LRRC4C: variants seen among roughly 807,000 people sequenced by gnomAD.
The protein encoded by LRRC4C is leucine-rich repeat-containing protein 4C.
Under a neutral mutation model 33.6 loss-of-function variants are expected in LRRC4C, and 5 were observed. The ratio of observed to expected loss-of-function variants is 0.15; its 90% CI spans 0.08 to 0.31. LRRC4C has a LOEUF of 0.31. LRRC4C is among the 10% of genes least tolerant of loss of function. The pLI is 1.00. For synonymous variants in LRRC4C, 329 were observed against 302.0 expected, an observed-to-expected ratio of 1.09 and a Z score of -0.93; for missense variants, 560 against 796.7, an observed-to-expected ratio of 0.70 and a Z score of 3.58.
intron 2 of LRRC4C, among the ~76,000 whole-genome samples, chr11:40,758,262 C>T (rs1228505049): frequency 6.6e-6 from 1 of 151,898 alleles, no homozygotes; most frequent in East Asian, 1.9e-4. Context: ...AAAAATTATG[C>T]CTCCTACCAA....
chr11:40,775,012 T>G (rs1949923730), intron 2 of LRRC4C, among the ~76,000 whole-genome samples: 1 of 151,878 alleles, frequency 6.6e-6, no homozygotes, highest in Non-Finnish European at 1.5e-5. Flanking sequence ...ACCTAAATAT[T>G]TACATATAAT....
intron 1 of LRRC4C, among the ~76,000 whole-genome samples, chr11:40,998,084 C>A (rs116598487): frequency 1.3e-5 from 2 of 151,828 alleles, no homozygotes; most frequent in East Asian, 3.9e-4. Flanking sequence ...AAAGAGAGGT[C>A]GAAAACCAGA....
At chr11:41,308,133 A>T (rs1237578109) in intron 1 of LRRC4C, among the ~76,000 whole-genome samples, 1 of 152,226 alleles carries the variant, frequency 6.6e-6, no homozygotes, top group African/African-American at 2.4e-5. Context: ...GGGAGAAATC[A>T]GTAAAGTTGC....
At chr11:40,419,600 A>G (rs1039817309) in intron 3 of LRRC4C, among the ~76,000 whole-genome samples, 3 of 152,222 alleles carry the variant, frequency 2.0e-5, no homozygotes, top group Non-Finnish European at 1.5e-5. Context: ...CTCTCAGATG[A>G]AAGAAAACTA....
intron 2 of LRRC4C, among the ~76,000 whole-genome samples, chr11:40,763,750 G>T (rs558788740): frequency 6.6e-6 from 1 of 152,112 alleles, no homozygotes; most frequent in Non-Finnish European, 1.5e-5. Context: ...AGAGCTCAAG[G>T]GGGGAGCATT....
chr11:40,738,227 G>A (rs1434661592), intron 2 of LRRC4C, among the ~76,000 whole-genome samples: 4 of 152,146 alleles, frequency 2.6e-5, no homozygotes, highest in Admixed American at 2.0e-4. Flanking sequence ...AACTCAAGAT[G>A]TATTAAGGAC....
chr11:40,401,556 C>T (rs1342331496), intron 3 of LRRC4C, among the ~76,000 whole-genome samples: 1 of 152,066 alleles, frequency 6.6e-6, no homozygotes, highest in Non-Finnish European at 1.5e-5. Context: ...CTTTCTCTGT[C>T]AATTCATTCT....
At chr11:40,671,646 A>AGTGTGTAT (rs1944117634) in intron 2 of LRRC4C, among the ~76,000 whole-genome samples, 1 of 140,516 alleles carries the variant, frequency 7.1e-6, no homozygotes, top group Non-Finnish European at 1.5e-5. Context: ...GTCCTTATTC[A>AGTGTGTAT]GTGTGTGTGT....
intron 2 of LRRC4C, among the ~76,000 whole-genome samples, chr11:40,837,676 C>CAA (rs139136576): frequency 6.5e-5 from 7 of 108,496 alleles, no homozygotes; most frequent in South Asian, 3.1e-4. Flanking sequence ...CCTGTCTCTT[C>CAA]AAAAAAAAAA....
chr11:41,060,965 C>T (rs1590392449), intron 1 of LRRC4C, among the ~76,000 whole-genome samples: 1 of 151,958 alleles, frequency 6.6e-6, no homozygotes, highest in Non-Finnish European at 1.5e-5. Flanking sequence ...GTATCTTTTC[C>T]CTGGATGTTC....
chr11:40,860,659 A>C (rs1954040797), intron 2 of LRRC4C, among the ~76,000 whole-genome samples: 1 of 151,788 alleles, frequency 6.6e-6, no homozygotes, highest in Non-Finnish European at 1.5e-5. Flanking sequence ...AGTCATATTG[A>C]ATTAATATCC....
intron 1 of LRRC4C, among the ~76,000 whole-genome samples, chr11:41,047,634 T>A (rs1322778296): frequency 6.6e-6 from 1 of 152,190 alleles, no homozygotes; most frequent in Admixed American, 6.5e-5. Flanking sequence ...AGCAGTGCTT[T>A]GATGACCCCA....
intron 1 of LRRC4C, among the ~76,000 whole-genome samples, chr11:41,246,723 G>C (rs1166235072): frequency 2.0e-5 from 3 of 152,130 alleles, no homozygotes; most frequent in Non-Finnish European, 2.9e-5. Context: ...TATTTTTGTT[G>C]TTCTTGTTTT....
intron 2 of LRRC4C, among the ~76,000 whole-genome samples, chr11:40,718,387 C>T (rs1375245468): frequency 1.3e-5 from 2 of 152,014 alleles, no homozygotes; most frequent in African/African-American, 2.4e-5. Flanking sequence ...ATTGAGAAAC[C>T]CTGGGGTGCG....
In LRRC4C at chr11:40,393,788, G is replaced by A. The variant is rs190075981; in HGVS notation, c.-269-74067C>T. The stretch of plus-strand genomic sequence containing the variant: ...TGGAATTACATGACATCAGGGCTAT[G>A]CCTTTTGTCCCCTAAAACAAAGTTT... On this transcript the variant is annotated intron_variant, in intron 3 of 6. Transcript: ENST00000528697. 2.6e-3 allele frequency among the ~76,000 whole-genome samples: 389 copies of A among 152,234 alleles called. 1 individual carries two copies. Among genetic ancestry groups the A allele is most frequent in the Non-Finnish European group, 4.8e-3 (325 of 67,990 alleles).
intron 1 of LRRC4C, among the ~76,000 whole-genome samples, chr11:41,456,678 C>T (rs1956180278): frequency 6.6e-6 from 1 of 152,082 alleles, no homozygotes; most frequent in South Asian, 2.1e-4. Context: ...TTTTCTTTAG[C>T]AGCTGTGACA....
intron 3 of LRRC4C, among the ~76,000 whole-genome samples, chr11:40,348,654 C>T (rs749423004): frequency 1.3e-5 from 2 of 152,284 alleles, no homozygotes; most frequent in East Asian, 3.9e-4. Context: ...CTCCACCCTG[C>T]CTTCTTCACC....
intron 2 of LRRC4C, among the ~76,000 whole-genome samples, chr11:40,913,335 A>G (rs1956785404): frequency 6.6e-6 from 1 of 152,250 alleles, no homozygotes; most frequent in South Asian, 2.1e-4. Flanking sequence ...AAAAGAAATT[A>G]TAACAAACTG....
At chr11:41,207,769 G>A (rs1565480081) in intron 1 of LRRC4C, among the ~76,000 whole-genome samples, 1 of 152,188 alleles carries the variant, frequency 6.6e-6, no homozygotes, top group East Asian at 1.9e-4. Flanking sequence ...AGAGCTGTGA[G>A]AAAATACATT....
Sources: gnomAD v4.1 joint callset for allele counts (sites outside exome capture counted in the v4.1 genomes callset) on GRCh38, gnomAD v4.1.1 for gene constraint, MANE v1.5 for transcripts, NCBI Gene and HGNC (gene_info 2026-07-23, HGNC 2026-07-21) for gene names.